The following HBS1L variants were observed in gnomAD, a reference collection of about 807,000 sequenced individuals.
HBS1L encodes HBS1-like protein.
Under a neutral mutation model 88.9 loss-of-function variants are expected in HBS1L, and 55 were observed. The observed-to-expected ratio is 0.62, with a 90% CI of 0.50 to 0.77. The LOEUF (loss-of-function observed/expected upper bound fraction) is 0.77. Among genes scored for constraint, HBS1L ranks in the 30% least tolerant of loss-of-function variants. HBS1L has a pLI of 0.00. For synonymous variants in HBS1L, 267 were observed against 288.5 expected (o/e 0.93, Z 0.76); for missense variants, 741 against 829.3 (o/e 0.89, Z 1.31).
At chr6:135,033,531 G>C (rs1776446299) in intron 4 of HBS1L, among the ~76,000 whole-genome samples, 1 of 152,138 alleles carries the variant, frequency 6.6e-6, no homozygotes. Context: ...CAGCAGCCAA[G>C]CCAAGGAAAA....
At chr6:134,994,440 C>G (rs1431567701) in intron 7 of HBS1L, among the ~76,000 whole-genome samples, 2 of 151,996 alleles carry the variant, frequency 1.3e-5, no homozygotes, top group Non-Finnish European at 2.9e-5. Flanking sequence ...TCCTGGAGAC[C>G]AACATAGTGC....
chr6:135,051,258 A>T (rs928913263), intron 1 of HBS1L, among the ~76,000 whole-genome samples: 8 of 152,026 alleles, frequency 5.3e-5, no homozygotes, highest in African/African-American at 1.9e-4. Flanking sequence ...AAAAAAAAAT[A>T]CTTAGTCTCT....
At chr6:134,965,889 AAAGTTT>A (rs1175950911) in intron 17 of HBS1L, among the ~76,000 whole-genome samples, 1 of 152,232 alleles carries the variant, frequency 6.6e-6, no homozygotes, top group Non-Finnish European at 1.5e-5. Flanking sequence ...GATGCAACTT[AAAGTTT>A]ATGTTATATC....
intron 15 of HBS1L, among the ~76,000 whole-genome samples, chr6:134,978,429 AT>A (rs1774715206): frequency 6.6e-6 from 1 of 151,990 alleles, no homozygotes; most frequent in Non-Finnish European, 1.5e-5. Flanking sequence ...AAATTTTATT[AT>A]CATTACTTTG....
intron 17 of HBS1L, among the ~76,000 whole-genome samples, chr6:134,965,888 T>G (rs970805939): frequency 1.3e-5 from 2 of 152,214 alleles, no homozygotes; most frequent in Non-Finnish European, 2.9e-5. Flanking sequence ...TGATGCAACT[T>G]AAAGTTTATG....
chr6:134,970,261 C>T (rs1015253418), intron 15 of HBS1L, among the ~76,000 whole-genome samples: 1 of 152,116 alleles, frequency 6.6e-6, no homozygotes, highest in East Asian at 1.9e-4. Context: ...GCCCTTACAG[C>T]AGCTGGGATT....
chr6:134,990,989 T>C (rs1742514508), intron 8 of HBS1L, among the ~76,000 whole-genome samples: 1 of 151,854 alleles, frequency 6.6e-6, no homozygotes, highest in East Asian at 1.9e-4. Context: ...CCCACACTGC[T>C]ACCCCAGTGC....
Position 134,979,262 on chromosome 6 carries a change from G to A in HBS1L, c.1604C>T (p.Thr535Ile). 1 of 1,610,992 alleles carries A rather than the reference G, an allele frequency of 6.2e-7. No homozygotes were observed. The highest frequency in any genetic ancestry group is 8.5e-7 in the Non-Finnish European group (1 of 1,177,744). The change falls in exon 14 of 18, where the codon ACT (threonine) becomes ATT (isoleucine). Residue 535 changes from threonine to isoleucine, a missense_variant. Coordinates refer to ENST00000367837, the MANE Select transcript of HBS1L (RefSeq NM_006620.4). ...PNETCTVKGI[T>I]LHDEPVDWAA... Reference sequence around the variant, plus strand: ...CCAGTCGACAGGTTCATCATGCAGAGTGATTCCTGGAAATGAGTAAGAACC... The same window carrying A: ...CCAGTCGACAGGTTCATCATGCAGAATGATTCCTGGAAATGAGTAAGAACC...
chr6:135,053,443 A>G (rs980309542), intron 1 of HBS1L, among the ~76,000 whole-genome samples: 2 of 152,352 alleles, frequency 1.3e-5, no homozygotes, highest in South Asian at 4.1e-4. Context: ...TGAATAATAA[A>G]TAGGCCTATT....
At chr6:135,032,303 ATTTC>A (rs1186995156) in intron 4 of HBS1L, among the ~76,000 whole-genome samples, 1 of 152,124 alleles carries the variant, frequency 6.6e-6, no homozygotes, top group Non-Finnish European at 1.5e-5. Flanking sequence ...CAGAATTTTA[ATTTC>A]TTTCAATGTA....
At chr6:135,046,966 T>C (rs1415806548) in intron 2 of HBS1L, among the ~76,000 whole-genome samples, 3 of 152,234 alleles carry the variant, frequency 2.0e-5, no homozygotes, top group Non-Finnish European at 4.4e-5. Flanking sequence ...AATTTAAAAA[T>C]CCAAAGTCGT....
At chr6:135,014,221 T>C (rs1451284540) in intron 4 of HBS1L, among the ~76,000 whole-genome samples, 1 of 152,184 alleles carries the variant, frequency 6.6e-6, no homozygotes, top group Admixed American at 6.5e-5. Context: ...CAGAATCTTA[T>C]TTCTCTTACT....
chr6:135,054,187 A>G (rs1293453342), intron 1 of HBS1L, among the ~76,000 whole-genome samples: 1 of 152,280 alleles, frequency 6.6e-6, no homozygotes, highest in Non-Finnish European at 1.5e-5. Flanking sequence ...CAAAAGGTTT[A>G]CCATGTAAAT....
chr6:134,976,272 A>T (rs1774639958), intron 15 of HBS1L, among the ~76,000 whole-genome samples: 1 of 152,174 alleles, frequency 6.6e-6, no homozygotes, highest in Non-Finnish European at 1.5e-5. Context: ...GTTGCCCTGT[A>T]TGCGATGAAG....
intron 8 of HBS1L, among the ~76,000 whole-genome samples, chr6:134,992,956 A>AT (rs1209559976): frequency 1.3e-5 from 2 of 152,094 alleles, no homozygotes. Context: ...CAGGTGTACC[A>AT]TTTTTTATCT....
chr6:135,039,521 C>T, intron 4 of HBS1L, 52 bp downstream of exon 4: 1 of 1,429,434 alleles, frequency 7.0e-7, no homozygotes, highest in African/African-American at 1.4e-5. Flanking sequence ...GAAAGCCTCT[C>T]TTTAGGCATT....
At chr6:135,043,514 T>C (rs1583157119) in intron 2 of HBS1L, among the ~76,000 whole-genome samples, 1 of 152,328 alleles carries the variant, frequency 6.6e-6, no homozygotes, top group East Asian at 1.9e-4. Flanking sequence ...GTAACACCTA[T>C]ACTCGGAAGG....
At chr6:135,049,905 C>G (rs1392172901) in intron 2 of HBS1L, among the ~76,000 whole-genome samples, 1 of 152,204 alleles carries the variant, frequency 6.6e-6, no homozygotes, top group Non-Finnish European at 1.5e-5. Context: ...GGCATTTTAA[C>G]CTGTGTAGAC....
intron 3 of HBS1L, among the ~76,000 whole-genome samples, chr6:135,040,161 T>C (rs953724154): frequency 4.6e-5 from 7 of 152,172 alleles, no homozygotes; most frequent in African/African-American, 1.7e-4. Context: ...AATCCAGTTA[T>C]TCACGAAGTA....
Sources: gnomAD v4.1 joint callset for allele counts (sites outside exome capture counted in the v4.1 genomes callset) on GRCh38, gnomAD v4.1.1 for gene constraint, MANE v1.5 for transcripts, NCBI Gene and HGNC (gene_info 2026-07-23, HGNC 2026-07-21) for gene names.